ERI1: variants seen among roughly 807,000 people sequenced by gnomAD.
ERI1 encodes exoribonuclease 1.
Under a neutral mutation model 39.7 loss-of-function variants are expected in ERI1, and 39 were observed. The ratio of observed to expected loss-of-function variants is 0.98; its 90% CI spans 0.76 to 1.28. The LOEUF (loss-of-function observed/expected upper bound fraction) is 1.28. Among genes scored for constraint, ERI1 ranks in the 50% most tolerant of loss-of-function variants. ERI1 has a pLI of 0.00. For synonymous variants in ERI1, 204 were observed against 149.6 expected (o/e 1.36, Z -2.65); for missense variants, 581 against 416.9 (o/e 1.39, Z -3.43).
At position 9,030,813 on chromosome 8, in the gene ERI1, T is replaced by G. The variant is rs939054399; in HGVS notation, c.*779T>G. The G allele has an allele frequency of 6.6e-6, 1 of 152,182 alleles. No homozygotes were observed. The highest frequency in any genetic ancestry group is 6.5e-5 in the Admixed American group (1 of 15,288). 9.4% of individuals were successfully genotyped at this position (152,182 alleles called of 1,614,324 possible). On this transcript the variant is annotated 3_prime_UTR_variant, in exon 7 of 7. Coordinates refer to ENST00000250263, the MANE Select transcript of ERI1 (RefSeq NM_153332.4). ...AATTCTTAAATCTGAGGGACCATGC[T>G]TTGAAATAGACTGAAAATTAAGGGT...
intron 3 of ERI1, among the ~76,000 whole-genome samples, chr8:9,063,923 GGTGGAA>G (rs540154426): frequency 1.6e-3 from 236 of 152,072 alleles, no homozygotes; most frequent in African/African-American, 5.5e-3. Flanking sequence ...GGGAATGGAG[GGTGGAA>G]GGTTGCCCAT....
chr8:9,080,499 G>T (rs1349613326), intron 3 of ERI1, among the ~76,000 whole-genome samples: 1 of 152,236 alleles, frequency 6.6e-6, no homozygotes, highest in African/African-American at 2.4e-5. Context: ...AGGAGATGAG[G>T]CAGAGAGGCC....
intron 3 of ERI1, among the ~76,000 whole-genome samples, chr8:9,068,129 G>T (rs141426775): frequency 6.6e-6 from 1 of 151,976 alleles, no homozygotes; most frequent in African/African-American, 2.4e-5. Flanking sequence ...TTTCTCCTTA[G>T]CCCTTAATTA....
intron 3 of ERI1, among the ~76,000 whole-genome samples, chr8:9,044,319 G>A (rs746797842): frequency 2.6e-5 from 4 of 152,146 alleles, no homozygotes; most frequent in Non-Finnish European, 5.9e-5. Flanking sequence ...AAGTGATCCC[G>A]GATCCTGGAA....
At chr8:9,022,716 TTG>T (rs1818047611) in intron 6 of ERI1, among the ~76,000 whole-genome samples, 2 of 152,290 alleles carry the variant, frequency 1.3e-5, no homozygotes, top group East Asian at 3.9e-4. Context: ...GGATCTTTTT[TTG>T]TGTTTTTGAA....
At chr8:9,033,787 C>T (rs1001750648), downstream of ERI1, among the ~76,000 whole-genome samples, 3 of 141,486 alleles carry the variant, frequency 2.1e-5, no homozygotes, top group Non-Finnish European at 4.9e-5. Flanking sequence ...GCTATGCTGC[C>T]TCCCGTTGTA....
At chr8:9,095,477 G>A (rs1005943382) in intron 3 of ERI1, among the ~76,000 whole-genome samples, 2 of 144,884 alleles carry the variant, frequency 1.4e-5, no homozygotes, top group African/African-American at 5.1e-5. Context: ...CCATGGGACA[G>A]GTCTTTTGTT....
chr8:9,087,433 T>G lies in ERI1; in HGVS notation n.300-28915T>G, dbSNP rs1184929127. On this transcript the variant is annotated intron_variant and non_coding_transcript_variant, in intron 3 of 3. Transcript: ENST00000518663. ...GGCTATTTTTTTTTTTTTTTTTTTT[T>G]TTGATTTTTAGTAGAGACAGGGTTT... 8.2e-3 allele frequency among the ~76,000 whole-genome samples: 440 copies of G among 53,528 alleles called. 8 individuals are homozygous for G. The highest frequency in any genetic ancestry group is 0.023 in the African/African-American group (353 of 15,240). The allele number at this position is 53,528 out of a possible 152,430, so 35.1% of individuals were successfully genotyped here.
chr8:9,081,541 A>G (rs1464865474), intron 3 of ERI1, among the ~76,000 whole-genome samples: 1 of 151,904 alleles, frequency 6.6e-6, no homozygotes, highest in Non-Finnish European at 1.5e-5. Context: ...TTCCCCTGAT[A>G]TGTTCCCTGG....
At chr8:9,033,746 G>C (rs1232744690), downstream of ERI1, among the ~76,000 whole-genome samples, 1 of 152,208 alleles carries the variant, frequency 6.6e-6, no homozygotes, top group Non-Finnish European at 1.5e-5. Flanking sequence ...GATTCTGGCA[G>C]TATGGCTTGA....
chr8:9,056,769 TCAAA>T (rs1351420534), intron 3 of ERI1, among the ~76,000 whole-genome samples: 4 of 152,230 alleles, frequency 2.6e-5, no homozygotes, highest in African/African-American at 9.6e-5. Context: ...TTTGATGTAA[TCAAA>T]CACTTTTGAT....
chr8:9,057,343 G>A (rs1585267840), intron 3 of ERI1, among the ~76,000 whole-genome samples: 1 of 152,096 alleles, frequency 6.6e-6, no homozygotes, highest in Non-Finnish European at 1.5e-5. Flanking sequence ...TTTTTTTCAG[G>A]TGCTTTGCCC....
At chr8:9,059,208 G>C (rs937585531) in intron 3 of ERI1, among the ~76,000 whole-genome samples, 4 of 152,128 alleles carry the variant, frequency 2.6e-5, no homozygotes, top group Non-Finnish European at 5.9e-5. Context: ...ATTTTCACTT[G>C]TTTTGTGGTG....
downstream of ERI1, among the ~76,000 whole-genome samples, chr8:9,036,892 G>T (rs959447840): frequency 6.6e-6 from 1 of 151,992 alleles, no homozygotes; most frequent in Non-Finnish European, 1.5e-5. Context: ...ATTTATTTTT[G>T]TCAGTGGGAC....
intron 3 of ERI1, among the ~76,000 whole-genome samples, chr8:9,062,241 AT>A (rs1798724043): frequency 6.6e-6 from 1 of 152,030 alleles, no homozygotes; most frequent in Admixed American, 6.5e-5. Context: ...GGGGTGCATG[AT>A]CAGTCGCCAA....
chr8:9,053,776 T>A (rs1221636197), intron 3 of ERI1, among the ~76,000 whole-genome samples: 1 of 152,168 alleles, frequency 6.6e-6, no homozygotes, highest in Non-Finnish European at 1.5e-5. Flanking sequence ...CCAGTGAATG[T>A]TAGAGAATTG....
chr8:9,074,687 G>C (rs996655209), intron 3 of ERI1, among the ~76,000 whole-genome samples: 1 of 152,148 alleles, frequency 6.6e-6, no homozygotes, highest in Non-Finnish European at 1.5e-5. Flanking sequence ...TCCCGTCTTG[G>C]GCTTCCAAAG....
chr8:9,042,282 C>G (rs554369466), intron 3 of ERI1, among the ~76,000 whole-genome samples: 2 of 152,304 alleles, frequency 1.3e-5, no homozygotes, highest in Admixed American at 6.5e-5. Flanking sequence ...TAATTTCTCT[C>G]TGTGGCACAC....
chr8:9,025,415 G>T (rs1004859304), intron 6 of ERI1, among the ~76,000 whole-genome samples: 3 of 152,234 alleles, frequency 2.0e-5, no homozygotes, highest in Admixed American at 6.5e-5. Flanking sequence ...TTGTTCAGCT[G>T]ATTCATGTGA....
Sources: allele counts gnomAD v4.1 joint callset (sites outside exome capture counted in the v4.1 genomes callset), GRCh38; gene constraint gnomAD v4.1.1; transcripts MANE v1.5; gene names NCBI Gene and HGNC (gene_info 2026-07-23, HGNC 2026-07-21).